The following ASXL3 variants were observed in gnomAD, a reference collection of about 807,000 sequenced individuals.
ASXL3 encodes the protein putative Polycomb group protein ASXL3.
Under a neutral mutation model 170.6 loss-of-function variants are expected in ASXL3, and 34 were observed. That is an observed-to-expected ratio of 0.20 (90% CI 0.15 to 0.27). The LOEUF is 0.27. ASXL3 is among the 10% of genes least tolerant of loss of function. The pLI is 1.00. For synonymous variants in ASXL3, 1,002 were observed against 989.1 expected, an observed-to-expected ratio of 1.01 and a Z score of -0.24; for missense variants, 2,592 against 2,695.3, an observed-to-expected ratio of 0.96 and a Z score of 0.85.
At chr18:33,680,093 A>T (rs1205786398) in intron 7 of ASXL3, among the ~76,000 whole-genome samples, 1 of 151,422 alleles carries the variant, frequency 6.6e-6, no homozygotes, top group African/African-American at 2.4e-5. Flanking sequence ...ATTTTTTTCT[A>T]CCCTCTAATA....
intron 11 of ASXL3, among the ~76,000 whole-genome samples, chr18:33,741,511 A>T (rs914480759): frequency 6.6e-6 from 1 of 152,208 alleles, no homozygotes; most frequent in African/African-American, 2.4e-5. Flanking sequence ...ATTTAAGTTT[A>T]TTTAAAATAT....
intron 7 of ASXL3, among the ~76,000 whole-genome samples, chr18:33,679,561 A>C (rs1483389889): frequency 6.6e-6 from 1 of 152,090 alleles, no homozygotes; most frequent in Non-Finnish European, 1.5e-5. Flanking sequence ...TATGTGTATA[A>C]TGAAATAGGG....
intron 2 of ASXL3, among the ~76,000 whole-genome samples, chr18:33,623,491 T>G (rs2065549877): frequency 6.6e-6 from 1 of 152,172 alleles, no homozygotes; most frequent in African/African-American, 2.4e-5. Context: ...TCATAATTCT[T>G]GCATCAAACT....
chr18:33,610,697 A>G (rs1439953064), intron 2 of ASXL3, among the ~76,000 whole-genome samples: 1 of 152,052 alleles, frequency 6.6e-6, no homozygotes, highest in African/African-American at 2.4e-5. Context: ...TGTTTAGTCA[A>G]TAATCTTCAT....
At chr18:33,640,537 CATT>C (rs1372331741) in intron 2 of ASXL3, among the ~76,000 whole-genome samples, 1 of 152,008 alleles carries the variant, frequency 6.6e-6, no homozygotes, top group Non-Finnish European at 1.5e-5. Flanking sequence ...TCTAAGTGTA[CATT>C]ATTAATGTTT....
At chr18:33,714,047 G>A (rs2057655773) in intron 8 of ASXL3, among the ~76,000 whole-genome samples, 1 of 152,172 alleles carries the variant, frequency 6.6e-6, no homozygotes, top group African/African-American at 2.4e-5. Flanking sequence ...GTGGGTGAGT[G>A]TGTGCACATG....
intron 1 of ASXL3, among the ~76,000 whole-genome samples, chr18:33,596,001 A>G (rs1447661816): frequency 1.3e-5 from 2 of 152,204 alleles, no homozygotes; most frequent in East Asian, 1.9e-4. Context: ...GAGTACATCA[A>G]TTCTTTCTTG....
intron 7 of ASXL3, among the ~76,000 whole-genome samples, chr18:33,673,754 A>G (rs1190706314): frequency 6.6e-6 from 1 of 152,212 alleles, no homozygotes; most frequent in East Asian, 1.9e-4. Flanking sequence ...AAGTCAACTG[A>G]AAGATATAAA....
intron 6 of ASXL3, 116 bp downstream of exon 6, chr18:33,670,906 G>A: frequency 3.2e-6 from 2 of 623,338 alleles, no homozygotes; most frequent in Non-Finnish European, 2.6e-6. Flanking sequence ...CTTGAGGTTT[G>A]GTTTAATTTC....
rs1429928672 is a variant in ASXL3, at chr18:33,738,382, A to C, written c.1083-105A>C. On this transcript the variant is annotated intron_variant, in intron 10 of 11. Transcript: ENST00000269197. The stretch of plus-strand genomic sequence containing the variant: ...TAAGCATGTTAATGATTATAAATGT[A>C]ATTTGATGCATTTACTTCTATTGAA... 7.9e-6 allele frequency: 9 copies of C among 1,136,318 alleles called. No individual in the cohort carries two copies. The Admixed American group carries it at 1.2e-4, about 15-fold the overall frequency. The allele number at this position is 1,136,318 out of a possible 1,614,324, so 70.4% of individuals were successfully genotyped here.
intron 2 of ASXL3, among the ~76,000 whole-genome samples, chr18:33,633,300 G>GAGTTTAT (rs1262194410): frequency 6.6e-6 from 1 of 152,094 alleles, no homozygotes; most frequent in Non-Finnish European, 1.5e-5. Flanking sequence ...CTTTATTGTA[G>GAGTTTAT]CACTTTTTTC....
intron 6 of ASXL3, among the ~76,000 whole-genome samples, chr18:33,671,404 A>G (rs973850035): frequency 1.3e-5 from 2 of 152,054 alleles, no homozygotes; most frequent in African/African-American, 4.8e-5. Context: ...TTTCTTTTTC[A>G]TCTTTCCGTG....
intron 4 of ASXL3, among the ~76,000 whole-genome samples, chr18:33,648,256 T>G (rs1440041707): frequency 6.6e-6 from 1 of 152,022 alleles, no homozygotes; most frequent in Non-Finnish European, 1.5e-5. Context: ...TAGACAGCTA[T>G]TGTCGTAATC....
intron 1 of ASXL3, 105 bp from the exon 2 acceptor site, chr18:33,607,489 G>A: frequency 2.2e-6 from 2 of 921,146 alleles, no homozygotes; most frequent in Non-Finnish European, 1.7e-6. Flanking sequence ...TGATGTAAAA[G>A]CCCCTTCCCC....
chr18:33,703,323 G>A (rs76923376), intron 8 of ASXL3, among the ~76,000 whole-genome samples: 426 of 152,156 alleles, frequency 2.8e-3, no homozygotes, highest in African/African-American at 9.5e-3. Context: ...TCTCTGCTTC[G>A]GATGGGGACA....
Position 33,745,521 on chromosome 18 carries a change from C to T in ASXL3, c.5673C>T (p.Ser1891=), listed in dbSNP as rs1599576858. ...CCATGCAGAACAGAATTGTTCACAG[C>T]CCTGAGGTCAAACAGCAAAAGCGGC... ...KHSMQNRIVH[S]PEVKQQKRLL... Residue 1891 remains serine (S), a synonymous_variant, in exon 12 of 12, where the codon AGC becomes AGT. Coordinates refer to ENST00000269197, the MANE Select transcript of ASXL3 (RefSeq NM_030632.3). 2.5e-6 allele frequency: 4 copies of T among 1,613,968 alleles called. No homozygotes were observed. The highest frequency in any genetic ancestry group is 3.3e-5 in the Admixed American group (2 of 60,020).
At position 33,641,173 on chromosome 18, in the gene ASXL3, C is replaced by T. The variant is rs189061513; in HGVS notation, c.138-3721C>T. ...ATTCCTTTCACTAAGTATTCACTGTCGGTAAAATTGTGTGTATTCCGTCAG... is the reference window on the plus strand; with the variant it reads ...ATTCCTTTCACTAAGTATTCACTGTTGGTAAAATTGTGTGTATTCCGTCAG... On this transcript the variant is annotated intron_variant, in intron 2 of 11. Transcript: ENST00000269197. Among the ~76,000 whole-genome samples the T allele has an allele frequency of 1.6e-4, 24 of 152,100 alleles. No individual in the cohort carries two copies. In the East Asian group the frequency reaches 2.9e-3, roughly 18 times the overall value.
At chr18:33,670,573 G>T in intron 5 of ASXL3, 100 bp from the exon 6 acceptor site, 1 of 790,568 alleles carries the variant, frequency 1.3e-6, no homozygotes, top group Non-Finnish European at 1.9e-6. Flanking sequence ...AGTCTCTTAA[G>T]AGGTTCTATG....
In ASXL3 at chr18:33,615,638, CATGAAGT is replaced by C. The variant is rs547970147; in HGVS notation, c.137+7965_137+7971del. ...GCATAATAAAGTGAAACACACAAAA[CATGAAGT>C]ATCCCTAAATTCCAGAGACTGTATC... is the stretch of plus-strand genomic sequence containing the variant. On this transcript the variant is annotated intron_variant, in intron 2 of 11. Coordinates refer to ENST00000269197, the MANE Select transcript of ASXL3 (RefSeq NM_030632.3). Among the ~76,000 whole-genome samples, 23 of 152,212 alleles carry C rather than the reference CATGAAGT, an allele frequency of 1.5e-4. No homozygotes were observed. In the East Asian group the frequency reaches 4.1e-3, roughly 27 times the overall value.
Sources: gnomAD v4.1 joint callset for allele counts (sites outside exome capture counted in the v4.1 genomes callset) on GRCh38, gnomAD v4.1.1 for gene constraint, MANE v1.5 for transcripts, NCBI Gene and HGNC (gene_info 2026-07-23, HGNC 2026-07-21) for gene names.